GALNTL5: variants seen among roughly 807,000 people sequenced by gnomAD.
The protein encoded by GALNTL5 is polypeptide N-acetylgalactosaminyltransferase like 5.
Under a neutral mutation model 51.0 loss-of-function variants are expected in GALNTL5, and 44 were observed. The observed-to-expected ratio is 0.86, with a 90% CI of 0.68 to 1.11. The LOEUF (loss-of-function observed/expected upper bound fraction) is 1.11. Among genes scored for constraint, GALNTL5 ranks in the 50% least tolerant of loss-of-function variants. The pLI, the probability that GALNTL5 is intolerant of heterozygous loss-of-function variation, is 0.00. For synonymous variants in GALNTL5, 192 were observed against 182.8 expected, an observed-to-expected ratio of 1.05 and a Z score of -0.41; for missense variants, 528 against 531.8, an observed-to-expected ratio of 0.99 and a Z score of 0.07.
At chr7:152,015,561 T>C (rs919896346) in intron 8 of GALNTL5, among the ~76,000 whole-genome samples, 1 of 152,008 alleles carries the variant, frequency 6.6e-6, no homozygotes, top group Non-Finnish European at 1.5e-5. Context: ...GGTTTCACCA[T>C]GTTGGCCAGG....
intron 7 of GALNTL5, 87 bp from the exon 8 acceptor site, chr7:152,014,557 C>A: frequency 7.6e-7 from 1 of 1,322,242 alleles, no homozygotes. Context: ...CATGAGCCAC[C>A]GCACCTGGCC....
At chr7:151,993,818 C>G (rs929800042) in intron 5 of GALNTL5, among the ~76,000 whole-genome samples, 1 of 152,066 alleles carries the variant, frequency 6.6e-6, no homozygotes. Flanking sequence ...TGTGGTCTCA[C>G]TGTCCTGCCC....
At chr7:152,011,424 A>G (rs934340910) in intron 7 of GALNTL5, among the ~76,000 whole-genome samples, 4 of 152,242 alleles carry the variant, frequency 2.6e-5, no homozygotes, top group Non-Finnish European at 5.9e-5. Flanking sequence ...AACAGCCCCA[A>G]CAATCTGCAG....
At chr7:152,018,346 G>A (rs2081845461) in intron 8 of GALNTL5, among the ~76,000 whole-genome samples, 1 of 152,086 alleles carries the variant, frequency 6.6e-6, no homozygotes, top group Non-Finnish European at 1.5e-5. Flanking sequence ...CCTCATATTG[G>A]TTATAGCTGA....
intron 3 of GALNTL5, among the ~76,000 whole-genome samples, chr7:151,980,960 T>A (rs1037852094): frequency 1.3e-5 from 2 of 151,840 alleles, no homozygotes; most frequent in African/African-American, 4.9e-5. Flanking sequence ...TTAGCCAGGA[T>A]GGTCTCGATC....
At chr7:151,970,696 A>C (rs1247614663) in intron 2 of GALNTL5, 1 of 284,462 alleles carries the variant, frequency 3.5e-6, no homozygotes, top group African/African-American at 2.3e-5. Context: ...TGCTTCCTGC[A>C]GAACTGTGAG....
chr7:151,971,831 T>C (rs1258506998), intron 3 of GALNTL5, among the ~76,000 whole-genome samples: 53 of 152,138 alleles, frequency 3.5e-4, no homozygotes, highest in Admixed American at 3.4e-3. Context: ...ATTCTCTCTC[T>C]CTCTCTCTTC....
rs192922530 is a variant in GALNTL5 at position 151,969,907 on chromosome 7, C to T, written c.248-1038C>T. Reference sequence around the variant, plus strand: ...CTGCAAGCTCCGCCTCCGGGGTTCACGCCATTCTCCTGCCTCAGCCTCCCG... The same window carrying T: ...CTGCAAGCTCCGCCTCCGGGGTTCATGCCATTCTCCTGCCTCAGCCTCCCG... On this transcript the variant is annotated intron_variant, in intron 2 of 8. Transcript: ENST00000392800. 4.1e-3 allele frequency among the ~76,000 whole-genome samples: 620 copies of T among 152,208 alleles called. 4 individuals are homozygous for T. Among genetic ancestry groups the T allele is most frequent in the Middle Eastern group, 0.038 (11 of 292 alleles).
intron 5 of GALNTL5, among the ~76,000 whole-genome samples, chr7:151,999,641 C>T (rs1052020029): frequency 4.6e-5 from 7 of 152,044 alleles, no homozygotes; most frequent in South Asian, 2.1e-4. Flanking sequence ...GCTAGCCATT[C>T]GTACATCTTC....
chr7:152,004,076 C>T (rs758410321), intron 6 of GALNTL5, among the ~76,000 whole-genome samples: 4 of 151,640 alleles, frequency 2.6e-5, no homozygotes, highest in African/African-American at 7.3e-5. Flanking sequence ...GAAATAAGCA[C>T]GGAGATATAT....
chr7:152,007,566 A>G (rs967537395), intron 6 of GALNTL5, among the ~76,000 whole-genome samples: 1 of 151,642 alleles, frequency 6.6e-6, no homozygotes, highest in Non-Finnish European at 1.5e-5. Context: ...CTACAGGCGC[A>G]TGCCACCTTG....
chr7:151,985,229 C>A (rs188083635), intron 4 of GALNTL5, among the ~76,000 whole-genome samples: 114 of 152,244 alleles, frequency 7.5e-4, no homozygotes, highest in African/African-American at 2.6e-3. Flanking sequence ...ACAAACATAC[C>A]GGCCGTAAGA....
chr7:151,962,967 C>CAA (rs200289949), intron 1 of GALNTL5, among the ~76,000 whole-genome samples: 4 of 151,442 alleles, frequency 2.6e-5, no homozygotes, highest in African/African-American at 9.7e-5. Flanking sequence ...GGTAGTTTCC[C>CAA]AAAAAAAAGA....
chr7:152,002,174 G>A (rs2151956645), intron 5 of GALNTL5, among the ~76,000 whole-genome samples: 1 of 152,188 alleles, frequency 6.6e-6, no homozygotes, highest in African/African-American at 2.4e-5. Context: ...CAGCTACTTG[G>A]GAGGCTGAGG....
rs1475813876 is a variant in GALNTL5 at position 152,002,935 on chromosome 7, G to A, written c.880G>A (p.Gly294Arg). The A allele has an allele frequency of 4.3e-6, 7 of 1,613,840 alleles. No homozygotes were observed. The highest frequency in any genetic ancestry group is 1.3e-5 in the African/African-American group (1 of 74,904). ...WDNVFSYEMD[G>R]PEGSTKPIRS... ...TAATGTTTTCTCTTATGAGATGGATGGACCAGAAGGATCTACTAAACCAAT... is the reference window on the plus strand; with the variant it reads ...TAATGTTTTCTCTTATGAGATGGATAGACCAGAAGGATCTACTAAACCAAT... The change falls in exon 6 of 9, where the codon GGA becomes AGA. Residue 294 changes from glycine to arginine, a missense_variant. Transcript: ENST00000392800.
At chr7:151,956,926 A>C (rs184534804) in intron 1 of GALNTL5, among the ~76,000 whole-genome samples, 1 of 152,198 alleles carries the variant, frequency 6.6e-6, no homozygotes, top group African/African-American at 2.4e-5. Flanking sequence ...AAAATAGGGA[A>C]ATAAAGGCCC....
chr7:151,968,090 G>A (rs1586807745), intron 2 of GALNTL5, among the ~76,000 whole-genome samples: 1 of 152,088 alleles, frequency 6.6e-6, no homozygotes, highest in East Asian at 1.9e-4. Flanking sequence ...GAGGCCAGGA[G>A]TTCAAGACCT....
chr7:151,977,666 T>C (rs2081224572), intron 3 of GALNTL5, among the ~76,000 whole-genome samples: 1 of 152,194 alleles, frequency 6.6e-6, no homozygotes, highest in Non-Finnish European at 1.5e-5. Context: ...GATAATCACC[T>C]ATTATGTTGA....
chr7:151,977,401 C>T (rs868077036), intron 3 of GALNTL5, among the ~76,000 whole-genome samples: 12 of 152,158 alleles, frequency 7.9e-5, no homozygotes, highest in Middle Eastern at 3.4e-3. Flanking sequence ...TAGCTGGGTA[C>T]GAACTTATGA....
Sources: gnomAD v4.1 joint callset for allele counts (sites outside exome capture counted in the v4.1 genomes callset) on GRCh38, gnomAD v4.1.1 for gene constraint, MANE v1.5 for transcripts, NCBI Gene and HGNC (gene_info 2026-07-23, HGNC 2026-07-21) for gene names.